The following ADAMTSL1 variants were observed in gnomAD, a reference collection of about 807,000 sequenced individuals.
ADAMTSL1 encodes the protein ADAMTS-like protein 1.
In ADAMTSL1, 126 loss-of-function variants were observed where a neutral mutation model predicts 201.8. The ratio of observed to expected loss-of-function variants is 0.62; its 90% CI spans 0.54 to 0.72. ADAMTSL1 has a LOEUF of 0.72. ADAMTSL1 is among the 30% of genes least tolerant of loss of function. The pLI is 0.00. For missense variants in ADAMTSL1, 2,679 were observed against 2,277.8 expected (o/e 1.18, Z -3.59); for synonymous variants, 1,121 against 903.4 (o/e 1.24, Z -4.32).
intron 23 of ADAMTSL1, among the ~76,000 whole-genome samples, chr9:18,851,253 A>G (rs1488323581): frequency 6.6e-6 from 1 of 152,172 alleles, no homozygotes; most frequent in Non-Finnish European, 1.5e-5. Flanking sequence ...GTTAGAAAAG[A>G]TCAACACAGA....
intron 2 of ADAMTSL1, among the ~76,000 whole-genome samples, chr9:18,460,019 T>C (rs902524741): frequency 3.9e-5 from 6 of 152,116 alleles, no homozygotes; most frequent in African/African-American, 1.4e-4. Context: ...TGAATAGACA[T>C]AGTAACAGGA....
intron 1 of ADAMTSL1, among the ~76,000 whole-genome samples, chr9:18,042,559 T>C (rs1023514150): frequency 1.3e-5 from 2 of 152,120 alleles, no homozygotes; most frequent in Non-Finnish European, 2.9e-5. Flanking sequence ...ATAACAAAGC[T>C]CACTTCTTCA....
At chr9:18,049,716 C>T (rs1490011812) in intron 1 of ADAMTSL1, among the ~76,000 whole-genome samples, 9 of 152,010 alleles carry the variant, frequency 5.9e-5, no homozygotes, top group African/African-American at 9.7e-5. Flanking sequence ...CCCCGCCTCC[C>T]GGGTTCACGC....
chr9:18,204,334 T>C (rs1343640660), intron 2 of ADAMTSL1, among the ~76,000 whole-genome samples: 3 of 152,088 alleles, frequency 2.0e-5, no homozygotes, highest in Non-Finnish European at 4.4e-5. Context: ...CTCTTTCCCC[T>C]TCACTTGGCA....
rs1023894901 is a variant in ADAMTSL1, at chr9:18,843,560, T to C, written c.4249+13583T>C. Among the ~76,000 whole-genome samples the C allele has an allele frequency of 4.1e-4, 62 of 150,688 alleles. 5 individuals are homozygous for C. The highest frequency in any genetic ancestry group is 1.4e-3 in the African/African-American group (58 of 40,022). ...GTATCTTTGTGGTGTTCTCTGTATTTCCTGAATCTGAATGTTGCCCTGCCT... is the reference window on the plus strand; with the variant it reads ...GTATCTTTGTGGTGTTCTCTGTATTCCCTGAATCTGAATGTTGCCCTGCCT... On this transcript the variant is annotated intron_variant, in intron 23 of 28. Transcript: ENST00000380548.
chr9:18,418,762 T>C (rs1818806574), intron 2 of ADAMTSL1, among the ~76,000 whole-genome samples: 1 of 152,214 alleles, frequency 6.6e-6, no homozygotes, highest in African/African-American at 2.4e-5. Flanking sequence ...ATGATGTTAA[T>C]TCCCCACAAA....
chr9:18,270,354 T>C (rs927570647), intron 2 of ADAMTSL1, among the ~76,000 whole-genome samples: 4 of 152,144 alleles, frequency 2.6e-5, no homozygotes, highest in Non-Finnish European at 4.4e-5. Flanking sequence ...CATATGAATT[T>C]CCTGGGGAAC....
chr9:18,707,067 G>T lies in ADAMTSL1; in HGVS notation c.1876+19G>T, dbSNP rs1432435198. On this transcript the variant is annotated intron_variant, in intron 14 of 28. Coordinates refer to ENST00000380548, the MANE Select transcript of ADAMTSL1 (RefSeq NM_001040272.6). ...GGAGGAGGTAAGAAAGGGGGCTCTGGCTCAGATCCCCGCCATCTTCTTGCT... is the reference window on the plus strand; with the variant it reads ...GGAGGAGGTAAGAAAGGGGGCTCTGTCTCAGATCCCCGCCATCTTCTTGCT... 3 of 1,603,350 alleles carry T rather than the reference G, an allele frequency of 1.9e-6. No individual in the cohort carries two copies. Among genetic ancestry groups the T allele is most frequent in the Non-Finnish European group, 2.6e-6 (3 of 1,173,694 alleles).
intron 2 of ADAMTSL1, among the ~76,000 whole-genome samples, chr9:18,393,189 A>G (rs564366687): frequency 6.6e-6 from 1 of 152,366 alleles, no homozygotes; most frequent in Admixed American, 6.5e-5. Flanking sequence ...TATCCTTTAT[A>G]CAAAATATAA....
chr9:18,556,472 T>C (rs1416328307), intron 3 of ADAMTSL1, among the ~76,000 whole-genome samples: 2 of 151,954 alleles, frequency 1.3e-5, no homozygotes, highest in African/African-American at 4.8e-5. Flanking sequence ...TTTATCTAAG[T>C]GTAGCCCACT....
chr9:18,002,870 T>C lies in ADAMTSL1; in HGVS notation c.87+95948T>C, dbSNP rs144869624. Among the ~76,000 whole-genome samples, 24 of 152,154 alleles carry C rather than the reference T, an allele frequency of 1.6e-4. 2 individuals are homozygous for C. The East Asian group carries it at 4.5e-3, about 28-fold the overall frequency. ...GCCAGATAACTAGCAAATGGCAGAA[T>C]TGGGCTAAAACCAAGATCCTTTGTA... On this transcript the variant is annotated intron_variant, in intron 1 of 29. Coordinates refer to the ADAMTSL1 transcript ENST00000680146.
chr9:18,577,388 A>G (rs560969855), intron 4 of ADAMTSL1, among the ~76,000 whole-genome samples: 1 of 152,304 alleles, frequency 6.6e-6, no homozygotes, highest in South Asian at 2.1e-4. Context: ...TGGGAGGCTG[A>G]GGCAGGACAA....
At chr9:17,980,086 T>A (rs1818625256) in intron 1 of ADAMTSL1, among the ~76,000 whole-genome samples, 2 of 152,174 alleles carry the variant, frequency 1.3e-5, no homozygotes, top group African/African-American at 4.8e-5. Context: ...CTCTTTGTAC[T>A]GTACTGCGTG....
intron 1 of ADAMTSL1, among the ~76,000 whole-genome samples, chr9:18,136,911 T>C (rs1826181938): frequency 6.6e-6 from 1 of 152,046 alleles, no homozygotes; most frequent in Non-Finnish European, 1.5e-5. Context: ...AAGGCAAAAT[T>C]GTAAGGAGGG....
intron 1 of ADAMTSL1, among the ~76,000 whole-genome samples, chr9:18,125,150 C>A (rs1361374513): frequency 1.3e-5 from 2 of 152,146 alleles, no homozygotes; most frequent in African/African-American, 4.8e-5. Flanking sequence ...CTCACAGTTC[C>A]ATGTGGCTGG....
At chr9:18,350,569 C>T (rs1586944892) in intron 2 of ADAMTSL1, among the ~76,000 whole-genome samples, 1 of 152,016 alleles carries the variant, frequency 6.6e-6, no homozygotes, top group African/African-American at 2.4e-5. Context: ...AGGAAATTGT[C>T]AGAACAGAAA....
intron 22 of ADAMTSL1, among the ~76,000 whole-genome samples, chr9:18,827,090 G>A (rs1262429807): frequency 6.6e-6 from 1 of 150,678 alleles, no homozygotes; most frequent in East Asian, 1.9e-4. Flanking sequence ...AGCTATAACC[G>A]TTTTTGCCCC....
At chr9:18,866,950 T>C (rs1827573186) in intron 23 of ADAMTSL1, among the ~76,000 whole-genome samples, 2 of 152,214 alleles carry the variant, frequency 1.3e-5, no homozygotes, top group African/African-American at 4.8e-5. Flanking sequence ...AACAGCAGGA[T>C]AGAGGAAGAG....
Position 18,207,954 on chromosome 9 carries a change from C to T in ADAMTSL1, c.207+43973C>T, listed in dbSNP as rs866376400. ...GAAGCACTGTCTTGTATGTCAGGAGCGTAGGTTTTGGAAGTTCACAGACAG... is the reference window on the plus strand; with the variant it reads ...GAAGCACTGTCTTGTATGTCAGGAGTGTAGGTTTTGGAAGTTCACAGACAG... On this transcript the variant is annotated intron_variant, in intron 2 of 29. Transcript: ENST00000680146. Among the ~76,000 whole-genome samples, 84 of 152,118 alleles carry T rather than the reference C, an allele frequency of 5.5e-4. 1 individual carries two copies. The highest frequency in any genetic ancestry group is 3.4e-3 in the Middle Eastern group (1 of 294).
Sources: allele counts gnomAD v4.1 joint callset (sites outside exome capture counted in the v4.1 genomes callset), GRCh38; gene constraint gnomAD v4.1.1; transcripts MANE v1.5; gene names NCBI Gene and HGNC (gene_info 2026-07-23, HGNC 2026-07-21).